The following LDB2 variants were observed in gnomAD, a reference collection of about 807,000 sequenced individuals.
LDB2 encodes LIM domain-binding protein 2.
LDB2 carries 12 observed loss-of-function variants against 44.3 expected under a neutral mutation model. The observed-to-expected ratio is 0.27, with a 90% CI of 0.17 to 0.44. LDB2 has a LOEUF of 0.44. LDB2 is among the 20% of genes least tolerant of loss of function. LDB2 has a pLI of 1.00. For missense variants in LDB2, 344 were observed against 473.5 expected (o/e 0.73, Z 2.54); for synonymous variants, 164 against 174.8 (o/e 0.94, Z 0.49).
At chr4:16,570,487 A>AAAAAAAAAAAAAAAAAAAAT (rs1746100093) in intron 5 of LDB2, among the ~76,000 whole-genome samples, 1 of 137,584 alleles carries the variant, frequency 7.3e-6, no homozygotes, top group Non-Finnish European at 1.5e-5. Flanking sequence ...AAAAAAAAAA[A>AAAAAAAAAAAAAAAAAAAAT]AAAAAAAAAA....
At chr4:16,721,056 T>G (rs1309250228) in intron 2 of LDB2, among the ~76,000 whole-genome samples, 1 of 152,206 alleles carries the variant, frequency 6.6e-6, no homozygotes, top group African/African-American at 2.4e-5. Context: ...TAAACTCCCT[T>G]ATTCCAAAAC....
At position 16,796,857 on chromosome 4, in the gene LDB2, C is replaced by T. The variant is rs190721670; in HGVS notation, c.133-37597G>A. Reference sequence around the variant, plus strand: ...CTAATCATGAGAAGAACAGCAGACACGCCCAAAGGGAGGGACATTCTGCCA... The same window carrying T: ...CTAATCATGAGAAGAACAGCAGACATGCCCAAAGGGAGGGACATTCTGCCA... On this transcript the variant is annotated intron_variant, in intron 1 of 7. Transcript: ENST00000304523. Among the ~76,000 whole-genome samples, 15 of 152,274 alleles carry T rather than the reference C, an allele frequency of 9.9e-5. 1 individual carries two copies. The East Asian group carries it at 1.9e-3, about 20-fold the overall frequency.
intron 1 of LDB2, among the ~76,000 whole-genome samples, chr4:16,798,382 G>A (rs551345284): frequency 2.6e-5 from 4 of 152,236 alleles, no homozygotes; most frequent in African/African-American, 9.6e-5. Flanking sequence ...CTAAAGCTGA[G>A]GACATGACTT....
intron 5 of LDB2, among the ~76,000 whole-genome samples, chr4:16,565,917 CAT>C (rs1744333510): frequency 6.6e-6 from 1 of 151,824 alleles, no homozygotes; most frequent in Admixed American, 6.6e-5. Context: ...AAAATATGTA[CAT>C]ATATATGTCT....
At chr4:16,783,621 T>C (rs1296287401) in intron 1 of LDB2, among the ~76,000 whole-genome samples, 1 of 152,266 alleles carries the variant, frequency 6.6e-6, no homozygotes, top group African/African-American at 2.4e-5. Context: ...GCAGCTGTAC[T>C]GTGTCCTGCA....
intron 1 of LDB2, among the ~76,000 whole-genome samples, chr4:16,852,249 G>A (rs1455331378): frequency 6.6e-6 from 1 of 152,162 alleles, no homozygotes; most frequent in Non-Finnish European, 1.5e-5. Context: ...CAGAACATTA[G>A]AGCATTAAAA....
chr4:16,877,862 C>T (rs1196375691), intron 1 of LDB2, among the ~76,000 whole-genome samples: 2 of 152,052 alleles, frequency 1.3e-5, no homozygotes, highest in Non-Finnish European at 1.5e-5. Flanking sequence ...ATATTTAAAG[C>T]TTATAGGGAA....
At chr4:16,656,021 T>A (rs1739739378) in intron 2 of LDB2, among the ~76,000 whole-genome samples, 1 of 147,014 alleles carries the variant, frequency 6.8e-6, no homozygotes, top group Admixed American at 7.0e-5. Context: ...TGCCTCAGCC[T>A]CCCAAGTAGC....
chr4:16,609,111 G>A (rs1219664227), intron 2 of LDB2, among the ~76,000 whole-genome samples: 1 of 152,142 alleles, frequency 6.6e-6, no homozygotes, highest in Non-Finnish European at 1.5e-5. Flanking sequence ...AGGAAGAACA[G>A]CGCGGGGCAG....
At chr4:16,711,489 G>A (rs1755858984) in intron 2 of LDB2, among the ~76,000 whole-genome samples, 1 of 152,214 alleles carries the variant, frequency 6.6e-6, no homozygotes, top group South Asian at 2.1e-4. Context: ...AGATTGCTAA[G>A]GTAAAATTAG....
chr4:16,601,941 G>A (rs532614829), intron 2 of LDB2, among the ~76,000 whole-genome samples: 1 of 152,218 alleles, frequency 6.6e-6, no homozygotes, highest in East Asian at 1.9e-4. Flanking sequence ...CTTGACCTGT[G>A]ATGGGGGTGA....
chr4:16,601,390 A>G lies in LDB2; in HGVS notation c.236-5515T>C, dbSNP rs192518063. ...ACAATTTTAGATGCCTGCAATTTCTATGTTTCAAAGACAATTCACTTCCAA... is the reference window on the plus strand; with the variant it reads ...ACAATTTTAGATGCCTGCAATTTCTGTGTTTCAAAGACAATTCACTTCCAA... On this transcript the variant is annotated intron_variant, in intron 2 of 7. Transcript: ENST00000304523. Among the ~76,000 whole-genome samples, 495 of 152,252 alleles carry G rather than the reference A, an allele frequency of 3.3e-3. 2 individuals carry two copies. Among genetic ancestry groups the G allele is most frequent in the Non-Finnish European group, 5.5e-3 (372 of 67,966 alleles).
At chr4:16,578,756 T>C (rs893072970) in intron 5 of LDB2, among the ~76,000 whole-genome samples, 2 of 152,216 alleles carry the variant, frequency 1.3e-5, no homozygotes, top group East Asian at 1.9e-4. Context: ...CCTGTGTTTA[T>C]TGCAGCACTA....
intron 5 of LDB2, among the ~76,000 whole-genome samples, chr4:16,534,979 G>A (rs1731282169): frequency 6.6e-6 from 1 of 152,120 alleles, no homozygotes; most frequent in Non-Finnish European, 1.5e-5. Flanking sequence ...GACACATCAG[G>A]GGATGAGTTT....
intron 2 of LDB2, among the ~76,000 whole-genome samples, chr4:16,688,493 A>G (rs1749805709): frequency 6.6e-6 from 1 of 152,158 alleles, no homozygotes; most frequent in South Asian, 2.1e-4. Flanking sequence ...GTTTTATTCC[A>G]TTTTCTTAAA....
intron 5 of LDB2, among the ~76,000 whole-genome samples, chr4:16,524,820 T>C (rs1256937061): frequency 1.3e-5 from 2 of 152,126 alleles, no homozygotes; most frequent in Non-Finnish European, 2.9e-5. Context: ...AGGCAAACAA[T>C]GGCTGCTTGG....
rs186746408 is a variant in LDB2 at position 16,618,640 on chromosome 4, G to C, written c.236-22765C>G. Among the ~76,000 whole-genome samples the C allele has an allele frequency of 2.0e-5, 3 of 152,336 alleles. No homozygotes were observed. In the East Asian group the frequency reaches 5.8e-4, roughly 29 times the overall value. On this transcript the variant is annotated intron_variant, in intron 2 of 7. Transcript: ENST00000304523. ...AATCTGCTCTGCTCTGTTCAACAGAGAGGACAGTGCGGCCGATTCAGGTAT... is the reference window on the plus strand; with the variant it reads ...AATCTGCTCTGCTCTGTTCAACAGACAGGACAGTGCGGCCGATTCAGGTAT...
intron 1 of LDB2, among the ~76,000 whole-genome samples, chr4:16,896,857 C>T (rs1725160610): frequency 6.6e-6 from 1 of 152,128 alleles, no homozygotes; most frequent in Non-Finnish European, 1.5e-5. Flanking sequence ...GTTACACACA[C>T]AAAGCAACAT....
At chr4:16,622,062 G>A (rs1265131064) in intron 2 of LDB2, among the ~76,000 whole-genome samples, 1 of 152,204 alleles carries the variant, frequency 6.6e-6, no homozygotes, top group Non-Finnish European at 1.5e-5. Context: ...TAAGTAGGTG[G>A]AAAACAAATC....
Sources: gnomAD v4.1 joint callset for allele counts (sites outside exome capture counted in the v4.1 genomes callset) on GRCh38, gnomAD v4.1.1 for gene constraint, MANE v1.5 for transcripts, NCBI Gene and HGNC (gene_info 2026-07-23, HGNC 2026-07-21) for gene names.